Variants in ALMS1 observed in about 807,000 individuals in gnomAD.
ALMS1 encodes ALMS1 centrosome and basal body associated protein.
In ALMS1, 271 loss-of-function variants were observed where a neutral mutation model predicts 352.2. The ratio of observed to expected loss-of-function variants is 0.77; its 90% CI spans 0.70 to 0.85. The LOEUF (loss-of-function observed/expected upper bound fraction) is 0.85, where lower values mean the gene tolerates loss of function less well. Ranked by LOEUF, ALMS1 falls within the 40% of genes least tolerant of loss-of-function variation. The pLI, the probability that ALMS1 is intolerant of heterozygous loss-of-function variation, is 0.00. For synonymous variants in ALMS1, 1,865 were observed against 1,761.2 expected (o/e 1.06, Z -1.48); for missense variants, 5,445 against 4,870.7 (o/e 1.12, Z -3.51).
intron 1 of ALMS1, among the ~76,000 whole-genome samples, chr2:73,388,795 AT>A (rs1027969141): frequency 2.6e-5 from 4 of 151,912 alleles, no homozygotes; most frequent in Admixed American, 2.0e-4. Context: ...ATGAGCACAG[AT>A]TTTTTTCTTT....
chr2:73,413,358 G>A (rs948354403), intron 2 of ALMS1, among the ~76,000 whole-genome samples: 1 of 151,834 alleles, frequency 6.6e-6, no homozygotes, highest in Admixed American at 6.6e-5. Flanking sequence ...TATATTTCTT[G>A]TGTACTATCT....
intron 20 of ALMS1, among the ~76,000 whole-genome samples, chr2:73,602,993 T>G (rs1206464519): frequency 1.3e-5 from 2 of 152,218 alleles, no homozygotes; most frequent in Non-Finnish European, 2.9e-5. Context: ...TTTATCCAAC[T>G]TTAGAAACCG....
In ALMS1 at chr2:73,573,236, A is replaced by G; in HGVS notation, c.11359A>G (p.Thr3787Ala). ...GAGTAGCTCTGTTTCCACTATTGAC[A>G]CTGCCCGGCTGATTCAAGCTTTTGG... Reference protein sequence around the residue: ...ERSSSVSTIDTARLIQAFGHE... With the variant: ...ERSSSVSTIDAARLIQAFGHE... The change falls in exon 16 of 23, where the codon ACT (threonine) becomes GCT (alanine). Residue 3787 changes from threonine (T) to alanine (A), a missense_variant. Thr to Ala is a moderately conservative substitution (Grantham distance 58). Transcript: ENST00000613296. 1 of 1,613,608 alleles carries G rather than the reference A, an allele frequency of 6.2e-7. No homozygotes were observed. Among genetic ancestry groups the G allele is most frequent in the Non-Finnish European group, 8.5e-7 (1 of 1,179,606 alleles).
chr2:73,544,767 C>G (rs920123797), intron 12 of ALMS1, among the ~76,000 whole-genome samples: 1 of 152,138 alleles, frequency 6.6e-6, no homozygotes. Context: ...ATGTTCATAA[C>G]AGCATTATTC....
chr2:73,532,570 G>A (rs1211540451), intron 11 of ALMS1, among the ~76,000 whole-genome samples: 1 of 152,128 alleles, frequency 6.6e-6, no homozygotes, highest in Admixed American at 6.5e-5. Flanking sequence ...AGGCCCAAGG[G>A]CTCTTTCGTC....
At chr2:73,407,199 C>T (rs1482953546) in intron 1 of ALMS1, among the ~76,000 whole-genome samples, 1 of 152,138 alleles carries the variant, frequency 6.6e-6, no homozygotes, top group Non-Finnish European at 1.5e-5. Context: ...GCTCAGGTCT[C>T]TCTTCCTCTT....
At chr2:73,592,705 GT>G (rs1476917158) in intron 16 of ALMS1, among the ~76,000 whole-genome samples, 2 of 152,158 alleles carry the variant, frequency 1.3e-5, no homozygotes, top group African/African-American at 4.8e-5. Context: ...TGTTGGATAT[GT>G]TTTTCTAAGA....
intron 7 of ALMS1, among the ~76,000 whole-genome samples, chr2:73,434,827 A>G (rs1343936751): frequency 6.6e-6 from 1 of 152,140 alleles, no homozygotes; most frequent in Non-Finnish European, 1.5e-5. Context: ...TTTTGGAGAC[A>G]GAGTCTTGTT....
At position 73,487,157 on chromosome 2, in the gene ALMS1, A is replaced by G. The variant is rs540946527; in HGVS notation, c.7675-2477A>G. ...AGCACCTTCTGCCTGAGTATTGTTC[A>G]CACTGCTGGGCACATTCTCCGCACT... On this transcript the variant is annotated intron_variant, in intron 9 of 22. Transcript: ENST00000613296. Among the ~76,000 whole-genome samples, 294 of 152,344 alleles carry G rather than the reference A, an allele frequency of 1.9e-3. 1 individual carries two copies. Among genetic ancestry groups the G allele is most frequent in the African/African-American group, 5.9e-3 (246 of 41,578 alleles).
intron 16 of ALMS1, among the ~76,000 whole-genome samples, chr2:73,593,749 C>G (rs1675482113): frequency 6.6e-6 from 1 of 152,154 alleles, no homozygotes; most frequent in Non-Finnish European, 1.5e-5. Flanking sequence ...ATTTCCCCAG[C>G]CTCCCACCTC....
intron 16 of ALMS1, among the ~76,000 whole-genome samples, chr2:73,580,852 G>A (rs192904852): frequency 1.6e-4 from 24 of 152,306 alleles, no homozygotes; most frequent in Admixed American, 9.8e-4. Context: ...CTGGCTACTT[G>A]TTTGATAGAG....
Position 73,473,600 on chromosome 2 carries a change from G to A in ALMS1, c.7675-16034G>A, listed in dbSNP as rs367949834. Among the ~76,000 whole-genome samples, 4 of 152,122 alleles carry A rather than the reference G, an allele frequency of 2.6e-5. 1 individual carries two copies. The highest frequency in any genetic ancestry group is 9.6e-5 in the African/African-American group (4 of 41,516). ...ATCCCTGAGGAAGCCCACCTTAAAT[G>A]TACTCAATGAGCTGAACAATACCAT... On this transcript the variant is annotated intron_variant, in intron 9 of 22. Transcript: ENST00000613296.
chr2:73,457,955 C>T (rs905979297), intron 9 of ALMS1: 12 of 134,044 alleles, frequency 9.0e-5, no homozygotes, highest in African/African-American at 3.4e-4. Context: ...ATTGCTTGAA[C>T]CTGGGAGGTG....
At chr2:73,503,450 A>C (rs979965857) in intron 10 of ALMS1, among the ~76,000 whole-genome samples, 1 of 152,178 alleles carries the variant, frequency 6.6e-6, no homozygotes, top group Non-Finnish European at 1.5e-5. Flanking sequence ...ATGGCTGCAT[A>C]GTATTCCATG....
intron 9 of ALMS1, among the ~76,000 whole-genome samples, chr2:73,484,785 T>G (rs1467570959): frequency 6.6e-6 from 1 of 152,162 alleles, no homozygotes; most frequent in Admixed American, 6.5e-5. Flanking sequence ...TTTTTATTCT[T>G]TTTTCTCTAA....
chr2:73,437,645 C>T (rs1413059580), intron 7 of ALMS1, among the ~76,000 whole-genome samples: 1 of 152,180 alleles, frequency 6.6e-6, no homozygotes, highest in Non-Finnish European at 1.5e-5. Context: ...TGGTACATCT[C>T]ATTTCTACCA....
chr2:73,599,598 T>A, intron 17 of ALMS1, 77 bp downstream of exon 17: 1 of 1,489,910 alleles, frequency 6.7e-7, no homozygotes, highest in Non-Finnish European at 9.3e-7. Context: ...TCAACCTCAA[T>A]CATAATAAAG....
intron 7 of ALMS1, among the ~76,000 whole-genome samples, 159 bp downstream of exon 7, chr2:73,432,450 A>G (rs1229275024): frequency 2.0e-5 from 3 of 152,248 alleles, no homozygotes; most frequent in Admixed American, 2.0e-4. Context: ...TTAGACTGCT[A>G]TTACAAAAAT....
intron 12 of ALMS1, among the ~76,000 whole-genome samples, 198 bp downstream of exon 12, chr2:73,535,147 G>A (rs1674000784): frequency 6.6e-6 from 1 of 152,158 alleles, no homozygotes; most frequent in Non-Finnish European, 1.5e-5. Context: ...AATATTTGAT[G>A]AAGGAAATTG....
Sources: gnomAD v4.1 joint callset for allele counts (sites outside exome capture counted in the v4.1 genomes callset) on GRCh38, gnomAD v4.1.1 for gene constraint, MANE v1.5 for transcripts, NCBI Gene and HGNC (gene_info 2026-07-23, HGNC 2026-07-21) for gene names.